Variants in ZNF730 observed in about 807,000 individuals in gnomAD.
ZNF730 encodes zinc finger protein 730.
In ZNF730, 12 loss-of-function variants were observed where a neutral mutation model predicts 12.6. The observed-to-expected ratio is 0.95, with a 90% CI of 0.61 to 1.54. The LOEUF (loss-of-function observed/expected upper bound fraction) is 1.54. Among genes scored for constraint, ZNF730 ranks in the 40% most tolerant of loss-of-function variants. The pLI is 0.00. For synonymous variants in ZNF730, 194 were observed against 195.8 expected, an observed-to-expected ratio of 0.99 and a Z score of 0.08; for missense variants, 643 against 583.5, an observed-to-expected ratio of 1.10 and a Z score of -1.05.
Position 23,097,154 on chromosome 19 carries a change from A to G in ZNF730, c.-94+21767A>G, listed in dbSNP as rs768302259. Among the ~76,000 whole-genome samples, 70 of 152,276 alleles carry G rather than the reference A, an allele frequency of 4.6e-4. 1 individual carries two copies. Among genetic ancestry groups the G allele is most frequent in the Non-Finnish European group, 1.2e-4 (8 of 68,014 alleles). The stretch of plus-strand genomic sequence containing the variant: ...TTCTCCTGCCTAGTTTCTTCACACA[A>G]AAAGTATTGTCACATATCACTGGGC... On this transcript the variant is annotated intron_variant, in intron 1 of 2. Transcript: ENST00000593635.
chr19:23,145,568 G>A lies in ZNF730; in HGVS notation c.524G>A (p.Cys175Tyr). The A allele has an allele frequency of 1.3e-6, 2 of 1,545,786 alleles. No homozygotes were observed. The highest frequency in any genetic ancestry group is 1.7e-6 in the Non-Finnish European group (2 of 1,146,746). Reference protein sequence around the residue: ...IRHTSKKPFKCKECGKLFCIL... With the variant: ...IRHTSKKPFKYKECGKLFCIL... ...CATACTTCGAAGAAACCTTTCAAAT[G>A]TAAAGAATGTGGAAAATTATTTTGC... Residue 175 changes from cysteine to tyrosine, a missense_variant, in exon 4 of 4, where the codon TGT becomes TAT. Physicochemically the swap from Cys to Tyr is radical, Grantham distance 194. Coordinates refer to ENST00000597761, the MANE Select transcript of ZNF730 (RefSeq NM_001277403.2).
chr19:23,114,300 CTTTTCTT>C (rs989584282), upstream of ZNF730, among the ~76,000 whole-genome samples: 11 of 119,526 alleles, frequency 9.2e-5, 1 homozygote, highest in African/African-American at 2.1e-4. Flanking sequence ...TTTTCTTTTT[CTTTTCTT>C]TTTTTTTTTT....
intron 1 of ZNF730, chr19:23,095,041 C>G (rs1193895281): frequency 8.9e-6 from 2 of 224,544 alleles, no homozygotes; most frequent in Non-Finnish European, 1.7e-5. Flanking sequence ...CCCTGAACAT[C>G]CTGCTGGTGC....
chr19:23,099,888 G>A (rs1048963747), intron 1 of ZNF730, among the ~76,000 whole-genome samples: 3 of 152,082 alleles, frequency 2.0e-5, no homozygotes, highest in African/African-American at 7.2e-5. Flanking sequence ...ATGTCACTCT[G>A]TTCTGCCTTG....
chr19:23,114,300 C>CTTTTTTTTTTT (rs11413226), upstream of ZNF730, among the ~76,000 whole-genome samples: 1,019 of 119,236 alleles, frequency 8.5e-3, 49 homozygotes, highest in Non-Finnish European at 0.012. Context: ...TTTTCTTTTT[C>CTTTTTTTTTTT]TTTTCTTTTT....
chr19:23,132,991 G>A (rs1437384864), intron 1 of ZNF730, among the ~76,000 whole-genome samples: 1 of 152,180 alleles, frequency 6.6e-6, no homozygotes, highest in Non-Finnish European at 1.5e-5. Flanking sequence ...TGTCCTGTGT[G>A]CATCAGCACA....
At chr19:23,099,327 AGAGCAGAT>A (rs1221840628) in intron 1 of ZNF730, among the ~76,000 whole-genome samples, 3 of 152,084 alleles carry the variant, frequency 2.0e-5, no homozygotes, top group Non-Finnish European at 4.4e-5. Flanking sequence ...CAAAAATCTC[AGAGCAGAT>A]TGTGACTCAT....
intron 1 of ZNF730, among the ~76,000 whole-genome samples, chr19:23,086,364 G>A (rs547897981): frequency 6.6e-6 from 1 of 152,248 alleles, no homozygotes; most frequent in Non-Finnish European, 1.5e-5. Context: ...TCTTTGTAAT[G>A]AAGTCTTTGC....
At chr19:23,122,400 C>G (rs1353517234) in intron 1 of ZNF730, among the ~76,000 whole-genome samples, 1 of 152,108 alleles carries the variant, frequency 6.6e-6, no homozygotes, top group African/African-American at 2.4e-5. Context: ...GCCTTGGCCT[C>G]CCAAAGTGCT....
At chr19:23,094,416 G>T (rs1970215347) in intron 1 of ZNF730, among the ~76,000 whole-genome samples, 1 of 150,346 alleles carries the variant, frequency 6.7e-6, no homozygotes, top group Admixed American at 6.6e-5. Flanking sequence ...CTATCTGTGG[G>T]CACTCTATAG....
chr19:23,141,252 G>A (rs999018876), intron 3 of ZNF730, among the ~76,000 whole-genome samples: 28 of 151,892 alleles, frequency 1.8e-4, no homozygotes, highest in South Asian at 6.2e-4. Context: ...AAAATTAGCC[G>A]GGTGTGGTGG....
intron 1 of ZNF730, among the ~76,000 whole-genome samples, chr19:23,085,266 G>A (rs1159673524): frequency 6.6e-6 from 1 of 151,916 alleles, no homozygotes; most frequent in Non-Finnish European, 1.5e-5. Context: ...TCTTTTTAAA[G>A]GCTCATGTCC....
chr19:23,132,184 A>G (rs954338340), intron 1 of ZNF730, among the ~76,000 whole-genome samples: 5 of 152,188 alleles, frequency 3.3e-5, no homozygotes, highest in African/African-American at 1.2e-4. Context: ...CCTTCTACCT[A>G]TGAGTGTGGT....
At chr19:23,096,980 G>T (rs1343411374) in intron 1 of ZNF730, among the ~76,000 whole-genome samples, 1 of 152,028 alleles carries the variant, frequency 6.6e-6, no homozygotes, top group Non-Finnish European at 1.5e-5. Flanking sequence ...TTATTTTCCC[G>T]GTTCTGGCAT....
chr19:23,080,128 TAGAGACAG>T (rs1197694958), intron 1 of ZNF730, among the ~76,000 whole-genome samples: 1 of 152,016 alleles, frequency 6.6e-6, no homozygotes, highest in East Asian at 1.9e-4. Context: ...GTATTTTTAG[TAGAGACAG>T]AGTTTCACCA....
intron 1 of ZNF730, among the ~76,000 whole-genome samples, chr19:23,110,052 C>T (rs911047963): frequency 2.0e-5 from 3 of 147,736 alleles, no homozygotes; most frequent in South Asian, 4.3e-4. Context: ...CAGCAACCTG[C>T]ACCTCCCAGG....
chr19:23,092,330 C>G (rs1414771899), intron 1 of ZNF730, among the ~76,000 whole-genome samples: 1 of 152,090 alleles, frequency 6.6e-6, no homozygotes, highest in Non-Finnish European at 1.5e-5. Flanking sequence ...TGCTGTGGCT[C>G]TTGCCTGTAA....
At chr19:23,129,862 C>T (rs550641350) in intron 1 of ZNF730, among the ~76,000 whole-genome samples, 7 of 151,812 alleles carry the variant, frequency 4.6e-5, no homozygotes, top group East Asian at 2.0e-4. Context: ...GATGTGGTGG[C>T]GGGCACCTGT....
chr19:23,085,527 T>A lies in ZNF730; in HGVS notation c.-94+10140T>A, dbSNP rs1297585149. Reference sequence around the variant, plus strand: ...TTTTTTTTTTTTTTTTTTTTTTTTTTAAATATAGACAGAGTCTTGCTCTGT... The same window carrying A: ...TTTTTTTTTTTTTTTTTTTTTTTTTAAAATATAGACAGAGTCTTGCTCTGT... On this transcript the variant is annotated intron_variant, in intron 1 of 2. Transcript: ENST00000593635. 5.3e-3 allele frequency among the ~76,000 whole-genome samples: 444 copies of A among 84,292 alleles called. 2 individuals are homozygous for A. Among genetic ancestry groups the A allele is most frequent in the African/African-American group, 0.016 (357 of 22,354 alleles). The allele number at this position is 84,292 out of a possible 152,430, so 55.3% of individuals were successfully genotyped here.
Sources: gnomAD v4.1 joint callset for allele counts (sites outside exome capture counted in the v4.1 genomes callset) on GRCh38, gnomAD v4.1.1 for gene constraint, MANE v1.5 for transcripts, NCBI Gene and HGNC (gene_info 2026-07-23, HGNC 2026-07-21) for gene names.